Variants in SNX32 observed in about 807,000 individuals in gnomAD.
The protein encoded by SNX32 is sorting nexin 32.
SNX32 carries 58 observed loss-of-function variants against 57.0 expected under a neutral mutation model. The observed-to-expected ratio is 1.02, with a 90% CI of 0.82 to 1.27. The LOEUF (loss-of-function observed/expected upper bound fraction) is 1.27. Among genes scored for constraint, SNX32 ranks in the 50% most tolerant of loss-of-function variants. SNX32 has a pLI of 0.00. For missense variants in SNX32, 589 were observed against 541.2 expected, an observed-to-expected ratio of 1.09 and a Z score of -0.88; for synonymous variants, 262 against 220.4, an observed-to-expected ratio of 1.19 and a Z score of -1.67.
intron 1 of SNX32, among the ~76,000 whole-genome samples, chr11:65,844,968 A>C (rs1858947919): frequency 6.9e-6 from 1 of 143,888 alleles, no homozygotes; most frequent in Non-Finnish European, 1.5e-5. Context: ...TCTGTCTCAA[A>C]AAAAAAAAAA....
intron 1 of SNX32, among the ~76,000 whole-genome samples, chr11:65,846,512 G>A (rs1024052111): frequency 9.9e-5 from 15 of 151,824 alleles, no homozygotes; most frequent in Admixed American, 5.2e-4. Context: ...GTTGCAGTGA[G>A]CTGAGATCGT....
chr11:65,849,710 C>G, intron 2 of SNX32, 128 bp downstream of exon 2: 1 of 901,454 alleles, frequency 1.1e-6, no homozygotes, highest in Non-Finnish European at 1.8e-6. Context: ...TGCCCTCAGC[C>G]CCTCCTGGAA....
chr11:65,845,700 A>G (rs1858974043), intron 1 of SNX32, among the ~76,000 whole-genome samples: 1 of 152,080 alleles, frequency 6.6e-6, no homozygotes. Context: ...TCTTGCCATT[A>G]CACTCCAGCT....
rs1240994591 is a variant in SNX32, at chr11:65,853,405, C to T, written c.*70C>T. ...CCAGGGTATCCCAGACCCCTCTCTCCGGCAAGATGTCTCCTTCCCTAGCAG... is the reference window on the plus strand; with the variant it reads ...CCAGGGTATCCCAGACCCCTCTCTCTGGCAAGATGTCTCCTTCCCTAGCAG... On this transcript the variant is annotated 3_prime_UTR_variant, in exon 13 of 13. Transcript: ENST00000308342. 6 of 1,482,208 alleles carry T rather than the reference C, an allele frequency of 4.0e-6. No homozygotes were observed. Among genetic ancestry groups the T allele is most frequent in the South Asian group, 2.3e-5 (2 of 88,352 alleles). 91.8% of individuals were successfully genotyped at this position (1,482,208 alleles called of 1,614,324 possible). A position where few individuals can be genotyped will look rare whatever the true frequency, so the allele number is the denominator to read the frequency against.
chr11:65,852,252 G>A (rs983894504), intron 9 of SNX32, among the ~76,000 whole-genome samples: 7 of 152,034 alleles, frequency 4.6e-5, no homozygotes, highest in South Asian at 4.2e-4. Context: ...AGCCCTCAGC[G>A]CCCTCTGTCC....
At chr11:65,840,828 C>A (rs888722930) in intron 1 of SNX32, among the ~76,000 whole-genome samples, 1 of 149,884 alleles carries the variant, frequency 6.7e-6, no homozygotes. Context: ...AATCTACAAA[C>A]GATTAAATTA....
intron 7 of SNX32, 60 bp from the exon 8 acceptor site, chr11:65,851,268 A>T: frequency 6.2e-7 from 1 of 1,607,624 alleles, no homozygotes; most frequent in Non-Finnish European, 8.5e-7. Flanking sequence ...GTCTGTGGCC[A>T]CAAGCACCAA....
intron 1 of SNX32, among the ~76,000 whole-genome samples, chr11:65,848,498 A>C (rs1052588122): frequency 5.3e-5 from 8 of 151,692 alleles, no homozygotes; most frequent in African/African-American, 1.9e-4. Context: ...TGAGCCCAGG[A>C]GTTGGAGGCT....
At chr11:65,834,560 GTGTGTC>G (rs1404334854) in intron 1 of SNX32, among the ~76,000 whole-genome samples, 1 of 151,060 alleles carries the variant, frequency 6.6e-6, no homozygotes, top group African/African-American at 2.4e-5. Context: ...GTGTGTGTCT[GTGTGTC>G]TGTGTCTGTG....
intron 1 of SNX32, among the ~76,000 whole-genome samples, chr11:65,839,518 T>C (rs1410158394): frequency 1.3e-5 from 2 of 151,536 alleles, no homozygotes; most frequent in East Asian, 4.0e-4. Context: ...CATTTTTTTG[T>C]ATTTTTAGTA....
At chr11:65,842,667 A>C (rs1248883891) in intron 1 of SNX32, among the ~76,000 whole-genome samples, 1 of 151,768 alleles carries the variant, frequency 6.6e-6, no homozygotes, top group African/African-American at 2.4e-5. Context: ...AATTAAAATT[A>C]GGCCAGGCAC....
At chr11:65,843,496 G>A (rs1200444424) in intron 1 of SNX32, among the ~76,000 whole-genome samples, 2 of 152,098 alleles carry the variant, frequency 1.3e-5, no homozygotes, top group African/African-American at 4.8e-5. Flanking sequence ...GAACCTGGGA[G>A]GCGGAGGTTG....
At chr11:65,848,500 T>A (rs892644812) in intron 1 of SNX32, among the ~76,000 whole-genome samples, 2 of 150,238 alleles carry the variant, frequency 1.3e-5, no homozygotes, top group African/African-American at 4.9e-5. Flanking sequence ...AGCCCAGGAG[T>A]TGGAGGCTGC....
At chr11:65,843,827 G>T (rs116102721) in intron 1 of SNX32, among the ~76,000 whole-genome samples, 251 of 152,328 alleles carry the variant, frequency 1.6e-3, no homozygotes, top group African/African-American at 6.0e-3. Flanking sequence ...CAATGGGTTT[G>T]TCTCCAGCAA....
intron 1 of SNX32, among the ~76,000 whole-genome samples, chr11:65,834,401 GTATC>G (rs1172961294): frequency 6.7e-6 from 1 of 150,288 alleles, no homozygotes; most frequent in Non-Finnish European, 1.5e-5. Flanking sequence ...GTGTCTCTGT[GTATC>G]TGTGTGTGTG....
chr11:65,849,653 G>A (rs780985334), intron 2 of SNX32, 71 bp downstream of exon 2: 8 of 1,355,008 alleles, frequency 5.9e-6, no homozygotes, highest in Admixed American at 1.7e-5. Flanking sequence ...GGGGGTGGTA[G>A]GCATGTGCCA....
At position 65,850,275 on chromosome 11, in the gene SNX32, A is replaced by G. The variant is rs755682168; in HGVS notation, c.374+4A>G. On this transcript the variant is annotated splice_donor_region_variant and intron_variant, in intron 4 of 12. Transcript: ENST00000308342. ...AGATGAAGCAGGAGCTGGAAGCGTG[A>G]GTGCCCCCTCCTTTCCCTGCCATCC... The G allele has an allele frequency of 9.9e-6, 16 of 1,614,028 alleles. No individual in the cohort carries two copies. The highest frequency in any genetic ancestry group is 1.4e-5 in the Non-Finnish European group (16 of 1,180,036).
In SNX32 at chr11:65,852,694, A is replaced by G; in HGVS notation, c.977A>G (p.Lys326Arg). The change falls in exon 11 of 13, where the codon AAG becomes AGG. Residue 326 changes from lysine to arginine, a missense_variant. Coordinates refer to ENST00000308342, the MANE Select transcript of SNX32 (RefSeq NM_152760.3). ...GAGAATGCCAACAAGGCGCTGGACA[A>G]GGCGCGCACCAGGAACCGGGAGGTG... ...DYENANKALD[K>R]ARTRNREVRP... 6.3e-7 allele frequency: 1 copy of G among 1,597,204 alleles called. No homozygotes were observed.
In SNX32 at chr11:65,834,177, G is replaced by A. The variant is rs528318835; in HGVS notation, c.36+76G>A. 7.4e-4 allele frequency: 314 copies of A among 422,904 alleles called. 1 individual carries two copies. Among genetic ancestry groups the A allele is most frequent in the African/African-American group, 5.7e-3 (286 of 50,312 alleles). The allele number at this position is 422,904 out of a possible 1,614,324, so 26.2% of individuals were successfully genotyped here. On this transcript the variant is annotated intron_variant, in intron 1 of 12. Transcript: ENST00000308342. ...GCCCGTGATGCCCAATCATGCGGTG[G>A]TGTGTGTGTGTCTGTGTGTGTGTGG...
Sources: allele counts gnomAD v4.1 joint callset (sites outside exome capture counted in the v4.1 genomes callset), GRCh38; gene constraint gnomAD v4.1.1; transcripts MANE v1.5; gene names NCBI Gene and HGNC (gene_info 2026-07-23, HGNC 2026-07-21).